Variants in INF2 observed in about 807,000 individuals in gnomAD.
The protein encoded by INF2 is inverted formin 2.
In INF2, 43 loss-of-function variants were observed where a neutral mutation model predicts 123.5. The ratio of observed to expected loss-of-function variants is 0.35; its 90% CI spans 0.27 to 0.45. The LOEUF (loss-of-function observed/expected upper bound fraction) is 0.45. Ranked by LOEUF, INF2 falls within the 20% of genes least tolerant of loss-of-function variation. The pLI, the probability that INF2 is intolerant of heterozygous loss-of-function variation, is 1.00. For missense variants in INF2, 1,453 were observed against 1,682.7 expected (o/e 0.86, Z 2.39); for synonymous variants, 851 against 745.0 (o/e 1.14, Z -2.32).
intron 1 of INF2, among the ~76,000 whole-genome samples, chr14:104,697,046 C>T (rs1159323226): frequency 6.6e-6 from 1 of 152,210 alleles, no homozygotes; most frequent in Non-Finnish European, 1.5e-5. Context: ...ACCTGCCACC[C>T]CAGGGCTGCC....
intron 13 of INF2, 143 bp from the exon 14 acceptor site, chr14:104,710,793 TC>T: frequency 1.4e-6 from 1 of 689,904 alleles, no homozygotes; most frequent in Non-Finnish European, 2.5e-6. Context: ...CCAGGCCCTG[TC>T]CTGTGATCCT....
Position 104,706,971 on chromosome 14 carries a change from A to T in INF2, c.905A>T (p.Glu302Val). 1 of 1,600,882 alleles carries T rather than the reference A, an allele frequency of 6.2e-7. No homozygotes were observed. The highest frequency in any genetic ancestry group is 2.2e-5 in the East Asian group (1 of 44,804). Residue 302 changes from glutamate to valine, a missense_variant, in exon 7 of 23, where the codon GAG (glutamate) becomes GTG (valine). Coordinates refer to ENST00000392634, the MANE Select transcript of INF2 (RefSeq NM_022489.4). ...LSVLQGLLHL[E>V]PTLRSSQLLW... ...GTGCTGCAGGGCCTCCTGCACCTGGAGCCCACCCTCCGCTCCAGCCAGCTG... is the reference window on the plus strand; with the variant it reads ...GTGCTGCAGGGCCTCCTGCACCTGGTGCCCACCCTCCGCTCCAGCCAGCTG...
intron 1 of INF2, among the ~76,000 whole-genome samples, chr14:104,696,001 C>T (rs1020931419): frequency 6.6e-6 from 1 of 152,174 alleles, no homozygotes; most frequent in East Asian, 1.9e-4. Context: ...ATGAAACGAC[C>T]ATATTCATCC....
chr14:104,712,593 G>T (rs771441545), intron 17 of INF2, 40 bp downstream of exon 17: 1 of 1,612,026 alleles, frequency 6.2e-7, no homozygotes, highest in South Asian at 1.1e-5. Flanking sequence ...GGGAGAGGCT[G>T]CCCTGATAGA....
upstream of INF2, chr14:104,689,588 C>CCAG: frequency 1.2e-5 from 8 of 690,068 alleles, no homozygotes; most frequent in Non-Finnish European, 1.4e-5. Context: ...ACCTCCTCTT[C>CCAG]CTCCCGCCCG....
intron 7 of INF2, 81 bp from the exon 8 acceptor site, chr14:104,707,171 CT>C: frequency 6.6e-7 from 1 of 1,514,450 alleles, no homozygotes; most frequent in Non-Finnish European, 8.8e-7. Context: ...GAGGTGGCCG[CT>C]TTTTCCTGCC....
chr14:104,681,248 C>T lies in INF2; in HGVS notation c.-438C>T, dbSNP rs1022859137. Reference sequence around the variant, plus strand: ...CAGGGGTAGGGAAGGGCCCTCCCAGCGCCCCACTGTAATAGGGGCCTCATC... The same window carrying T: ...CAGGGGTAGGGAAGGGCCCTCCCAGTGCCCCACTGTAATAGGGGCCTCATC... On this transcript the variant is annotated 5_prime_UTR_variant, in exon 1 of 3. Transcript: ENST00000674723. The T allele has an allele frequency of 1.5e-4, 53 of 347,224 alleles. No individual in the cohort carries two copies. The Admixed American group carries it at 1.6e-3, about 10-fold the overall frequency. 21.5% of individuals were successfully genotyped at this position (347,224 alleles called of 1,614,324 possible). A position where few individuals can be genotyped will look rare whatever the true frequency, so the allele number is the denominator to read the frequency against.
intron 1 of INF2, among the ~76,000 whole-genome samples, chr14:104,682,068 G>A (rs1020540839): frequency 6.6e-6 from 1 of 152,234 alleles, no homozygotes; most frequent in Non-Finnish European, 1.5e-5. Context: ...GGCGGCATGG[G>A]AAAGACCCCA....
chr14:104,706,286 T>C (rs1401527585), intron 6 of INF2, 110 bp downstream of exon 6: 1 of 1,167,928 alleles, frequency 8.6e-7, no homozygotes, highest in Non-Finnish European at 1.2e-6. Flanking sequence ...GACCCTGCTG[T>C]GACCTGGGCC....
At chr14:104,689,389 A>T, upstream of INF2, 2 of 594,012 alleles carry the variant, frequency 3.4e-6, no homozygotes, top group South Asian at 7.3e-5. Flanking sequence ...ATCTCCGCCC[A>T]CCAGGAGCCA....
At chr14:104,685,645 T>G (rs56078065), upstream of INF2, among the ~76,000 whole-genome samples, 13,469 of 120,408 alleles carry the variant, frequency 0.11, 1,400 homozygotes, top group East Asian at 0.59. Context: ...GGGGGATGGG[T>G]GGATGAGTGG....
At chr14:104,692,965 G>A (rs2140603417) in intron 1 of INF2, among the ~76,000 whole-genome samples, 1 of 152,352 alleles carries the variant, frequency 6.6e-6, no homozygotes, top group African/African-American at 2.4e-5. Context: ...CACCCCAGAA[G>A]GGTGACTGGC....
intron 2 of INF2, 120 bp downstream of exon 2, chr14:104,701,876 A>G: frequency 3.6e-6 from 4 of 1,123,786 alleles, no homozygotes; most frequent in Non-Finnish European, 4.9e-6. Context: ...CCAGGCAGGC[A>G]AGGAGGGCTT....
chr14:104,688,952 G>A (rs1888784010), upstream of INF2, among the ~76,000 whole-genome samples: 1 of 152,224 alleles, frequency 6.6e-6, no homozygotes, highest in Non-Finnish European at 1.5e-5. Context: ...AGATGAGGCC[G>A]GACAGCAGAG....
Position 104,709,268 on chromosome 14 carries a change from C to T in INF2, c.1950-13C>T, listed in dbSNP as rs779736032. 19 of 1,608,112 alleles carry T rather than the reference C, an allele frequency of 1.2e-5. No homozygotes were observed. Among genetic ancestry groups the T allele is most frequent in the Admixed American group, 1.7e-5 (1 of 59,816 alleles). ...GATTCACTCACCCCTGCCCGGTCCT[C>T]TCCCTGCTCCAGCTCCAACGAGGAG... On this transcript the variant is annotated splice_polypyrimidine_tract_variant and intron_variant, in intron 10 of 22. Transcript: ENST00000392634.
chr14:104,697,474 C>A (rs1024094741), intron 1 of INF2, among the ~76,000 whole-genome samples: 1 of 152,230 alleles, frequency 6.6e-6, no homozygotes, highest in Non-Finnish European at 1.5e-5. Flanking sequence ...CTGTCTGCAC[C>A]GCAGGGGCTA....
intron 1 of INF2, 112 bp from the exon 2 acceptor site, chr14:104,701,245 G>C: frequency 1.6e-6 from 2 of 1,224,770 alleles, no homozygotes; most frequent in Non-Finnish European, 2.3e-6. Flanking sequence ...CACGTGAGCA[G>C]GAATTGCAGC....
rs1888842733 is a variant in INF2, at chr14:104,689,694, A to T, written c.-55A>T. On this transcript the variant is annotated 5_prime_UTR_variant, in exon 1 of 23. Coordinates refer to ENST00000392634, the MANE Select transcript of INF2 (RefSeq NM_022489.4). ...CCCGCAGCCCCTGACCCGGCCCCGG[A>T]CGGAGCGCCGGCCGCACCACCGCCC... 2 of 984,264 alleles carry T rather than the reference A, an allele frequency of 2.0e-6. No homozygotes were observed. The highest frequency in any genetic ancestry group is 2.4e-6 in the Non-Finnish European group (2 of 829,594). The allele number at this position is 984,264 out of a possible 1,614,324, so 61.0% of individuals were successfully genotyped here. A position where few individuals can be genotyped will look rare whatever the true frequency, so the allele number is the denominator to read the frequency against.
At chr14:104,716,715 G>A (rs1244728693) in intron 22 of INF2, among the ~76,000 whole-genome samples, 1 of 151,996 alleles carries the variant, frequency 6.6e-6, no homozygotes. Context: ...TTTCAAGACG[G>A]AGTCTCACTC....
Sources: allele counts gnomAD v4.1 joint callset (sites outside exome capture counted in the v4.1 genomes callset), GRCh38; gene constraint gnomAD v4.1.1; transcripts MANE v1.5; gene names NCBI Gene and HGNC (gene_info 2026-07-23, HGNC 2026-07-21).